Variants in PCDHGA6 observed in about 807,000 individuals in gnomAD.
The protein encoded by PCDHGA6 is protocadherin gamma subfamily A, 6.
In PCDHGA6, 41 loss-of-function variants were observed where a neutral mutation model predicts 60.6. That is an observed-to-expected ratio of 0.68 (90% CI 0.53 to 0.88). PCDHGA6 has a LOEUF of 0.88. Among genes scored for constraint, PCDHGA6 ranks in the 40% least tolerant of loss-of-function variants. The pLI is 0.00. For synonymous variants in PCDHGA6, 594 were observed against 524.4 expected (o/e 1.13, Z -1.81); for missense variants, 1,312 against 1,203.0 (o/e 1.09, Z -1.34).
At position 141,477,118 on chromosome 5, in the gene PCDHGA6, A is replaced by T. The variant is rs2099405787; in HGVS notation, c.2425-17689A>T. The T allele has an allele frequency of 6.2e-7, 1 of 1,614,228 alleles. No homozygotes were observed. Among genetic ancestry groups the T allele is most frequent in the Non-Finnish European group, 8.5e-7 (1 of 1,180,034 alleles). On this transcript the variant is annotated intron_variant, in intron 1 of 3. Coordinates refer to ENST00000517434, the MANE Select transcript of PCDHGA6 (RefSeq NM_018919.3). This position sits in a 1 kb window ranked among gnomAD's most constrained non-coding sequence, Gnocchi z 4.9. ...ACAAGGGCGCCAATCCCGAAGGAGC[A>T]CATTGCAAAGTGTTGGTGGAGGTTG...
intron 1 of PCDHGA6, chr5:141,416,261 A>G (rs2096009073): frequency 6.6e-6 from 1 of 152,294 alleles, no homozygotes; most frequent in Non-Finnish European, 1.5e-5. Flanking sequence ...ACACTGCAGT[A>G]TCCTTTTTGC....
Position 141,489,216 on chromosome 5 carries a change from C to G in PCDHGA6, c.2425-5591C>G. The G allele has an allele frequency of 6.7e-7, 1 of 1,486,698 alleles. No individual in the cohort carries two copies. Among genetic ancestry groups the G allele is most frequent in the Non-Finnish European group, 9.1e-7 (1 of 1,103,260 alleles). 92.1% of individuals were successfully genotyped at this position (1,486,698 alleles called of 1,614,324 possible). ...TTGGAGACAGGACAGCACAGACTTA[C>G]TCTCCACAAAGGGACTTCTGGGTCA... On this transcript the variant is annotated intron_variant, in intron 1 of 3. Transcript: ENST00000517434. This position sits in a 1 kb window ranked among gnomAD's most constrained non-coding sequence, Gnocchi z 4.5.
At chr5:141,452,881 T>A (rs1273440996) in intron 1 of PCDHGA6, among the ~76,000 whole-genome samples, 1 of 152,166 alleles carries the variant, frequency 6.6e-6, no homozygotes, top group African/African-American at 2.4e-5. Context: ...TTTGTAATAA[T>A]TTATTCCACT....
chr5:141,404,029 C>T (rs1363448), intron 1 of PCDHGA6: 736,203 of 1,612,620 alleles, frequency 0.46, 175,243 homozygotes, highest in African/African-American at 0.8. Flanking sequence ...TGAGAGAAGA[C>T]GCACCTCAGG....
Position 141,501,290 on chromosome 5 carries a change from TACACACAC to T in PCDHGA6, c.2484-4066_2484-4059del, listed in dbSNP as rs55762287. 3.7e-3 allele frequency among the ~76,000 whole-genome samples: 499 copies of T among 136,222 alleles called. 2 individuals carry two copies. Among genetic ancestry groups the T allele is most frequent in the Middle Eastern group, 0.033 (9 of 270 alleles). 89.4% of individuals were successfully genotyped at this position (136,222 alleles called of 152,430 possible). On this transcript the variant is annotated intron_variant, in intron 2 of 3. Transcript: ENST00000517434. ...GTCCAGTCTATGGGATATTCCCTTA[TACACACAC>T]ACACACACACACACACACACACACA... is the stretch of plus-strand genomic sequence containing the variant.
chr5:141,430,796 C>A, intron 1 of PCDHGA6: 1 of 1,522,232 alleles, frequency 6.6e-7, no homozygotes, highest in Middle Eastern at 1.8e-4. Context: ...CTACAAAGGG[C>A]TTGTCCTGCT....
chr5:141,443,029 C>A (rs1281303741), intron 1 of PCDHGA6, among the ~76,000 whole-genome samples: 1 of 152,192 alleles, frequency 6.6e-6, no homozygotes, highest in Admixed American at 6.5e-5. Flanking sequence ...AGTTGCCAGA[C>A]CTAAACTTTG....
chr5:141,487,004 C>G lies in PCDHGA6; in HGVS notation c.2425-7803C>G. 1 of 1,614,224 alleles carries G rather than the reference C, an allele frequency of 6.2e-7. No homozygotes were observed. The highest frequency in any genetic ancestry group is 1.1e-5 in the South Asian group (1 of 91,086). On this transcript the variant is annotated intron_variant, in intron 1 of 3. Transcript: ENST00000517434. This position sits in a 1 kb window ranked among gnomAD's most constrained non-coding sequence, Gnocchi z 5.0. ...CAATGCTTGGGTTTCCTATCAGCTC[C>G]TGGAGGCCCCAGATCCCAGCCTGTT...
At chr5:141,399,435 A>G (rs568070353) in intron 1 of PCDHGA6, 20 of 1,613,972 alleles carry the variant, frequency 1.2e-5, no homozygotes, top group African/African-American at 9.3e-5. Context: ...GCGTCATCCT[A>G]CATATCAGAG....
rs202113404 is a variant in PCDHGA6, at chr5:141,414,779, A to G, written c.2424+38272A>G. The G allele has an allele frequency of 4.2e-4, 674 of 1,614,210 alleles. No homozygotes were observed. Among genetic ancestry groups the G allele is most frequent in the Admixed American group, 6.0e-4 (36 of 60,022 alleles). On this transcript the variant is annotated intron_variant, in intron 1 of 3. Transcript: ENST00000517434. ...GAGCAGTTTCATGAGCTACAGATGCAGGTGACAGCCAGCGACAGCGGGGAT... is the reference window on the plus strand; with the variant it reads ...GAGCAGTTTCATGAGCTACAGATGCGGGTGACAGCCAGCGACAGCGGGGAT...
rs773530247 is a variant in PCDHGA6, at chr5:141,375,948, A to G, written c.1865A>G (p.His622Arg). Reference protein sequence around the residue: ...SEPGLFSVGLHTGEVRTARAL... With the variant: ...SEPGLFSVGLRTGEVRTARAL... ...CCAGGACTTTTCTCAGTGGGCCTGC[A>G]CACGGGCGAGGTGCGCACGGCGCGC... Residue 622 changes from histidine to arginine, a missense_variant, in exon 1 of 4, where the codon CAC (histidine) becomes CGC (arginine). By Grantham distance (29) the His-to-Arg change is conservative. Coordinates refer to ENST00000517434, the MANE Select transcript of PCDHGA6 (RefSeq NM_018919.3). 2.5e-6 allele frequency: 4 copies of G among 1,613,438 alleles called. No homozygotes were observed. The highest frequency in any genetic ancestry group is 2.5e-6 in the Non-Finnish European group (3 of 1,179,950).
chr5:141,447,648 T>A (rs1262852729), intron 1 of PCDHGA6, among the ~76,000 whole-genome samples: 3 of 152,164 alleles, frequency 2.0e-5, no homozygotes, highest in African/African-American at 4.8e-5. Flanking sequence ...ATGGTAGAAT[T>A]TTCCCCCCCA....
chr5:141,505,259 C>A, intron 2 of PCDHGA6, 134 bp from the exon 3 acceptor site: 1 of 1,500,262 alleles, frequency 6.7e-7, no homozygotes, highest in Non-Finnish European at 8.9e-7. Context: ...GTGCCTCCTA[C>A]CTTGCTGAGA....
chr5:141,379,850 ATTATTGTCTTATTCTTAT>A (rs1302175225), intron 1 of PCDHGA6, among the ~76,000 whole-genome samples: 1 of 133,230 alleles, frequency 7.5e-6, no homozygotes, highest in African/African-American at 2.8e-5. Flanking sequence ...AAACTACCAA[ATTATTGTCTTATTCTTAT>A]TTTATGGTCT....
chr5:141,428,488 CTGT>C (rs2097142454), intron 1 of PCDHGA6: 1 of 312,362 alleles, frequency 3.2e-6, no homozygotes. Flanking sequence ...TTCCTGCAAT[CTGT>C]ATGTTCCCTC....
At chr5:141,398,980 G>T in intron 1 of PCDHGA6, 1 of 1,613,860 alleles carries the variant, frequency 6.2e-7, no homozygotes, top group Non-Finnish European at 8.5e-7. Context: ...CTACAGAACC[G>T]GGCAAATCTT....
At chr5:141,415,274 C>T (rs775112066) in intron 1 of PCDHGA6, 19 of 1,614,086 alleles carry the variant, frequency 1.2e-5, no homozygotes, top group Admixed American at 1.0e-4. Context: ...CTGGTGGTAG[C>T]GGTGGCCGCG....
intron 1 of PCDHGA6, chr5:141,422,952 C>A (rs759618535): frequency 6.2e-7 from 1 of 1,614,254 alleles, no homozygotes; most frequent in Non-Finnish European, 8.5e-7. Context: ...GCTCCACTGG[C>A]GTGGAGCTGG....
intron 1 of PCDHGA6, among the ~76,000 whole-genome samples, chr5:141,456,023 G>A (rs937523861): frequency 1.3e-5 from 2 of 151,586 alleles, no homozygotes; most frequent in South Asian, 2.1e-4. Context: ...TCAGCCTCCC[G>A]AGTAGCTGGG....
Sources: allele counts gnomAD v4.1 joint callset (sites outside exome capture counted in the v4.1 genomes callset), GRCh38; gene constraint gnomAD v4.1.1; non-coding constraint Gnocchi (gnomAD v3.1); transcripts MANE v1.5; gene names NCBI Gene and HGNC (gene_info 2026-07-23, HGNC 2026-07-21).